Variants in MUC7 observed in about 807,000 individuals in gnomAD.
MUC7 encodes mucin 7, secreted.
A neutral mutation model predicts 2.5 loss-of-function variants in MUC7; 2 were observed. The observed-to-expected ratio is 0.81, with a 90% CI of 0.33 to 2.55. The LOEUF (loss-of-function observed/expected upper bound fraction) is 2.55, where lower values mean the gene tolerates loss of function less well. Ranked by LOEUF, MUC7 falls within the 30% of genes most tolerant of loss-of-function variation. The pLI is 0.11. For synonymous variants in MUC7, 133 were observed against 173.4 expected (o/e 0.77, Z 1.83); for missense variants, 408 against 455.6 (o/e 0.90, Z 0.95).
chr4:70,457,324 T>C (rs996909492), intron 1 of MUC7, among the ~76,000 whole-genome samples: 6 of 152,090 alleles, frequency 3.9e-5, no homozygotes, highest in African/African-American at 1.2e-4. Context: ...TGCATGACTG[T>C]AGTTCCAGCT....
At chr4:70,456,492 A>G (rs1259219603) in intron 1 of MUC7, among the ~76,000 whole-genome samples, 2 of 152,204 alleles carry the variant, frequency 1.3e-5, no homozygotes, top group East Asian at 3.9e-4. Context: ...CAGGAAATTT[A>G]CAATCATGGC....
Position 70,482,108 on chromosome 4 carries a change from G to T in MUC7, c.*230G>T, listed in dbSNP as rs1057350359. On this transcript the variant is annotated 3_prime_UTR_variant, in exon 3 of 3. Coordinates refer to ENST00000304887, the MANE Select transcript of MUC7 (RefSeq NM_152291.3). The stretch of plus-strand genomic sequence containing the variant: ...GTCTGGGGTTCAAAATAACTCTTTG[G>T]ATCCTACAGAGATAGCCTACTGAGG... 28 of 547,164 alleles carry T rather than the reference G, an allele frequency of 5.1e-5. No homozygotes were observed. The highest frequency in any genetic ancestry group is 4.9e-4 in the Middle Eastern group (1 of 2,050). The allele number at this position is 547,164 out of a possible 1,614,324, so 33.9% of individuals were successfully genotyped here.
chr4:70,469,968 T>C (rs1275059628), upstream of MUC7, among the ~76,000 whole-genome samples: 1 of 152,234 alleles, frequency 6.6e-6, no homozygotes, highest in Non-Finnish European at 1.5e-5. Context: ...CATATATTTA[T>C]TGCAGCACTA....
At chr4:70,449,918 G>A (rs1442097630) in intron 1 of MUC7, among the ~76,000 whole-genome samples, 1 of 152,146 alleles carries the variant, frequency 6.6e-6, no homozygotes, top group African/African-American at 2.4e-5. Flanking sequence ...CACAGCTCTG[G>A]GTCTTGCCCA....
At chr4:70,436,255 T>C (rs539589387) in intron 1 of MUC7, among the ~76,000 whole-genome samples, 11 of 152,336 alleles carry the variant, frequency 7.2e-5, no homozygotes, top group African/African-American at 2.2e-4. Flanking sequence ...GCCTGCCTGC[T>C]AGGTTGGGGA....
chr4:70,454,773 A>G (rs993569153), intron 1 of MUC7, among the ~76,000 whole-genome samples: 4 of 152,068 alleles, frequency 2.6e-5, no homozygotes, highest in African/African-American at 7.2e-5. Context: ...CTTCCCAGAA[A>G]CCCAACGGGG....
chr4:70,434,129 T>A (rs1412992257), intron 1 of MUC7, among the ~76,000 whole-genome samples: 1 of 152,206 alleles, frequency 6.6e-6, no homozygotes, highest in Non-Finnish European at 1.5e-5. Context: ...TTGCCAGTAT[T>A]TTATTGAGGA....
rs546524250 is a variant in MUC7 at position 70,452,164 on chromosome 4, C to A, written c.-92-20051C>A. Among the ~76,000 whole-genome samples the A allele has an allele frequency of 2.8e-4, 42 of 152,216 alleles. 1 individual carries two copies. The highest frequency in any genetic ancestry group is 4.6e-4 in the Non-Finnish European group (31 of 68,010). ...GCACATTTATGGATGCAGTGTGTTT[C>A]TTGTAGGCATCAGATCACTGGGTCA... is the stretch of plus-strand genomic sequence containing the variant. On this transcript the variant is annotated intron_variant, in intron 1 of 3. Transcript: ENST00000413702.
At chr4:70,451,846 G>A (rs1037175615) in intron 1 of MUC7, among the ~76,000 whole-genome samples, 8 of 152,170 alleles carry the variant, frequency 5.3e-5, no homozygotes, top group African/African-American at 1.9e-4. Flanking sequence ...TCTATCCAAT[G>A]CTGAAAATGA....
intron 1 of MUC7, among the ~76,000 whole-genome samples, chr4:70,447,634 TTTAA>T (rs1165959759): frequency 6.6e-6 from 1 of 152,206 alleles, no homozygotes; most frequent in African/African-American, 2.4e-5. Context: ...TTGTTCTTTT[TTTAA>T]TTGTTTAGTT....
chr4:70,458,654 A>G (rs1477366465), intron 1 of MUC7, among the ~76,000 whole-genome samples: 1 of 152,168 alleles, frequency 6.6e-6, no homozygotes, highest in East Asian at 1.9e-4. Flanking sequence ...GAGAAACAAA[A>G]CAGCTTGGAA....
intron 1 of MUC7, among the ~76,000 whole-genome samples, chr4:70,431,250 G>T (rs932445459): frequency 1.4e-5 from 2 of 139,920 alleles, no homozygotes; most frequent in Admixed American, 7.3e-5. Flanking sequence ...TCTTTGTATT[G>T]TATTTACTTT....
chr4:70,433,516 A>G (rs1193863060), intron 1 of MUC7, among the ~76,000 whole-genome samples: 1 of 151,910 alleles, frequency 6.6e-6, no homozygotes, highest in Non-Finnish European at 1.5e-5. Flanking sequence ...TTCACTCATG[A>G]TTTTCTCTCA....
At chr4:70,447,299 A>G (rs1734170341) in intron 1 of MUC7, among the ~76,000 whole-genome samples, 1 of 152,212 alleles carries the variant, frequency 6.6e-6, no homozygotes, top group Non-Finnish European at 1.5e-5. Context: ...ACTGTGAGAT[A>G]TTTTGAGAAG....
chr4:70,473,200 C>T (rs766692572), intron 1 of MUC7, among the ~76,000 whole-genome samples: 13 of 152,014 alleles, frequency 8.6e-5, no homozygotes, highest in East Asian at 7.7e-4. Flanking sequence ...TTTGGGAGGC[C>T]GATGAGGGTG....
At chr4:70,450,095 T>C (rs1314604308) in intron 1 of MUC7, among the ~76,000 whole-genome samples, 1 of 152,210 alleles carries the variant, frequency 6.6e-6, no homozygotes, top group African/African-American at 2.4e-5. Flanking sequence ...AGTCATGGTC[T>C]AGAGTAGAAA....
rs184990564 is a variant in MUC7 at position 70,463,335 on chromosome 4, C to T, written c.-92-8880C>T. Among the ~76,000 whole-genome samples, 469 of 152,134 alleles carry T rather than the reference C, an allele frequency of 3.1e-3. 7 individuals carry two copies. The highest frequency in any genetic ancestry group is 0.011 in the African/African-American group (453 of 41,548). On this transcript the variant is annotated intron_variant, in intron 1 of 3. Coordinates refer to the MUC7 transcript ENST00000413702. ...AGACAATCTGGAAAATCCATTGGGG[C>T]TGGGGGTCAACATAAAAAGCAGTTA...
At chr4:70,472,076 T>A (rs1734847233), upstream of MUC7, 1 of 152,230 alleles carries the variant, frequency 6.6e-6, no homozygotes, top group African/African-American at 2.4e-5. Context: ...AAACCACAAC[T>A]ATTCTTTTCT....
chr4:70,478,445 A>C (rs749656221), intron 2 of MUC7, among the ~76,000 whole-genome samples: 2 of 152,226 alleles, frequency 1.3e-5, no homozygotes, highest in African/African-American at 4.8e-5. Context: ...CAAAGCAAAT[A>C]AAATTAGACT....
Sources: gnomAD v4.1 joint callset for allele counts (sites outside exome capture counted in the v4.1 genomes callset) on GRCh38, gnomAD v4.1.1 for gene constraint, MANE v1.5 for transcripts, NCBI Gene and HGNC (gene_info 2026-07-23, HGNC 2026-07-21) for gene names.